The following PCCA variants were observed in gnomAD, a reference collection of about 807,000 sequenced individuals.
PCCA encodes propionyl-CoA carboxylase subunit alpha, also known as propionyl-CoA carboxylase alpha chain, mitochondrial.
A neutral mutation model predicts 101.3 loss-of-function variants in PCCA; 74 were observed. The ratio of observed to expected loss-of-function variants is 0.73; its 90% CI spans 0.61 to 0.89. PCCA has a LOEUF of 0.89. Ranked by LOEUF, PCCA falls within the 40% of genes least tolerant of loss-of-function variation. The pLI is 0.00. For synonymous variants in PCCA, 294 were observed against 313.6 expected (o/e 0.94, Z 0.66); for missense variants, 891 against 907.0 (o/e 0.98, Z 0.23).
chr13:100,317,361 G>A (rs1429786812), intron 16 of PCCA, among the ~76,000 whole-genome samples: 1 of 152,120 alleles, frequency 6.6e-6, no homozygotes, highest in African/African-American at 2.4e-5. Context: ...ACATATGGGA[G>A]ATGTTCCCCC....
intron 21 of PCCA, among the ~76,000 whole-genome samples, chr13:100,511,332 T>C (rs1040603424): frequency 3.3e-5 from 5 of 152,182 alleles, no homozygotes; most frequent in African/African-American, 1.2e-4. Flanking sequence ...AATATTTGAG[T>C]GTTGCTCTCA....
At chr13:100,172,839 C>T (rs1407404501) in intron 6 of PCCA, among the ~76,000 whole-genome samples, 5 of 152,094 alleles carry the variant, frequency 3.3e-5, no homozygotes, top group South Asian at 2.1e-4. Flanking sequence ...GCTTTTCAGG[C>T]GAAGAAGCAG....
chr13:100,185,647 C>CTT (rs60267730), intron 6 of PCCA, among the ~76,000 whole-genome samples: 1 of 133,924 alleles, frequency 7.5e-6, no homozygotes, highest in Admixed American at 7.5e-5. Flanking sequence ...ATTTCTTTTT[C>CTT]TTTTTTTTTT....
At chr13:100,446,414 G>A (rs532782298) in intron 20 of PCCA, among the ~76,000 whole-genome samples, 2 of 152,130 alleles carry the variant, frequency 1.3e-5, no homozygotes, top group South Asian at 2.1e-4. Flanking sequence ...TCATTTAGTC[G>A]GTCTGTCCTC....
chr13:100,435,358 C>G (rs1303656108), intron 20 of PCCA, among the ~76,000 whole-genome samples: 1 of 152,166 alleles, frequency 6.6e-6, no homozygotes, highest in East Asian at 1.9e-4. Context: ...CCCACCAGGC[C>G]CCACCTGCCA....
At position 100,527,676 on chromosome 13, in the gene PCCA, T is replaced by C. The variant is rs1218341532; in HGVS notation, c.2042T>C (p.Val681Ala). ...CTTCTGCCCATTTTTGTTTTCCAGG[T>C]AGCAGAAGGTCAAGAAATTTGTGTG... ...VAVSVKPGDA[V>A]AEGQEICVIE... Residue 681 changes from valine (V) to alanine (A), a missense_variant and splice_region_variant, in exon 23 of 24, where the codon GTA becomes GCA. Val to Ala is a moderately conservative substitution (Grantham distance 64, BLOSUM62 0). Transcript: ENST00000376285. 1.2e-6 allele frequency: 2 copies of C among 1,611,968 alleles called. No individual in the cohort carries two copies. The highest frequency in any genetic ancestry group is 1.7e-4 in the Middle Eastern group (1 of 6,058).
At chr13:100,450,221 A>G (rs2081123242) in intron 21 of PCCA, among the ~76,000 whole-genome samples, 1 of 149,056 alleles carries the variant, frequency 6.7e-6, no homozygotes, top group South Asian at 2.1e-4. Flanking sequence ...TGTCTCTGCT[A>G]AAAATACAAA....
intron 4 of PCCA, among the ~76,000 whole-genome samples, chr13:100,142,974 A>T (rs1448623545): frequency 6.6e-6 from 1 of 152,092 alleles, no homozygotes; most frequent in African/African-American, 2.4e-5. Context: ...CCCCTGATAC[A>T]TTTATGTTTT....
At chr13:100,463,372 G>T (rs2082305305) in intron 21 of PCCA, among the ~76,000 whole-genome samples, 1 of 144,408 alleles carries the variant, frequency 6.9e-6, no homozygotes, top group African/African-American at 2.6e-5. Context: ...CAACTTATGG[G>T]AGTAGGCAAA....
intron 22 of PCCA, among the ~76,000 whole-genome samples, chr13:100,524,374 CGTGTGTGT>C (rs1210676697): frequency 0.019 from 2,669 of 139,168 alleles, 93 homozygotes; most frequent in African/African-American, 0.066. Context: ...CAATTAAGCT[CGTGTGTGT>C]GTGTGTGTGT....
chr13:100,282,039 T>C (rs886440725), intron 12 of PCCA, among the ~76,000 whole-genome samples: 1 of 152,268 alleles, frequency 6.6e-6, no homozygotes, highest in Non-Finnish European at 1.5e-5. Flanking sequence ...AAAAATGGTA[T>C]ATTGTTTTCA....
rs1195453543 is a variant in PCCA at position 100,134,951 on chromosome 13, A to G, written c.301-20028A>G. Among the ~76,000 whole-genome samples the G allele has an allele frequency of 2.0e-5, 3 of 150,802 alleles. No individual in the cohort carries two copies. The East Asian group carries it at 6.0e-4, about 30-fold the overall frequency. On this transcript the variant is annotated intron_variant, in intron 4 of 23. Transcript: ENST00000376285. The stretch of plus-strand genomic sequence containing the variant: ...TAGACAGGGTCTTACTGTGTTGCCC[A>G]GGCTGGCCTCAAACTCCTGGGCTCA...
At chr13:100,334,813 C>G (rs1267379853) in intron 17 of PCCA, among the ~76,000 whole-genome samples, 2 of 151,866 alleles carry the variant, frequency 1.3e-5, no homozygotes, top group Non-Finnish European at 2.9e-5. Flanking sequence ...TAAGTGCATA[C>G]TAGGAGTTTC....
chr13:100,326,888 A>G (rs563635908), intron 16 of PCCA, among the ~76,000 whole-genome samples: 15 of 152,206 alleles, frequency 9.9e-5, no homozygotes, highest in South Asian at 4.1e-4. Flanking sequence ...TTCAGTCAAC[A>G]GTATGTTATT....
chr13:100,344,788 A>G (rs749498385), intron 18 of PCCA, among the ~76,000 whole-genome samples: 8 of 152,008 alleles, frequency 5.3e-5, no homozygotes, highest in Non-Finnish European at 1.0e-4. Flanking sequence ...GTTTATGGCA[A>G]CCCTGCATTG....
intron 1 of PCCA, among the ~76,000 whole-genome samples, chr13:100,094,164 GTTGCAGTGAGCCGAGATTGC>G (rs1244434296): frequency 1.3e-5 from 2 of 150,034 alleles, no homozygotes; most frequent in Admixed American, 1.3e-4. Flanking sequence ...GGAGGTGGAG[GTTGCAGTGAGCCGAGATTGC>G]ACCACTGCAC....
At chr13:100,400,706 AC>A (rs1278019300) in intron 19 of PCCA, among the ~76,000 whole-genome samples, 2 of 142,364 alleles carry the variant, frequency 1.4e-5, no homozygotes, top group African/African-American at 5.4e-5. Context: ...GCTCACTGCA[AC>A]CTCCACCCAC....
intron 11 of PCCA, 52 bp downstream of exon 11, chr13:100,268,835 C>A: frequency 1.0e-6 from 1 of 967,064 alleles, no homozygotes; most frequent in Non-Finnish European, 1.6e-6. Context: ...GCATTTCATT[C>A]ATTCATTCAT....
intron 18 of PCCA, among the ~76,000 whole-genome samples, chr13:100,350,943 A>G (rs1370863759): frequency 6.6e-6 from 1 of 152,240 alleles, no homozygotes; most frequent in Non-Finnish European, 1.5e-5. Context: ...CATATCATAC[A>G]GCTATTCAGC....
Sources: gnomAD v4.1 joint callset for allele counts (sites outside exome capture counted in the v4.1 genomes callset) on GRCh38, gnomAD v4.1.1 for gene constraint, MANE v1.5 for transcripts, NCBI Gene and HGNC (gene_info 2026-07-23, HGNC 2026-07-21) for gene names.